Variants in TACC1 observed in about 807,000 individuals in gnomAD.
The protein encoded by TACC1 is transforming acidic coiled-coil containing protein 1, also known as transforming acidic coiled-coil-containing protein 1.
Under a neutral mutation model 84.4 loss-of-function variants are expected in TACC1, and 48 were observed. That is an observed-to-expected ratio of 0.57 (90% CI 0.45 to 0.72). TACC1 has a LOEUF of 0.72. Among genes scored for constraint, TACC1 ranks in the 30% least tolerant of loss-of-function variants. The pLI is 0.00. For synonymous variants in TACC1, 372 were observed against 376.3 expected (o/e 0.99, Z 0.13); for missense variants, 920 against 973.0 (o/e 0.95, Z 0.72).
At chr8:38,839,447 A>G (rs1219969951) in intron 8 of TACC1, 4 of 378,112 alleles carry the variant, frequency 1.1e-5, no homozygotes, top group Non-Finnish European at 1.9e-5. Context: ...CATTTTAAGT[A>G]TATCCCTCTA....
At chr8:38,829,268 C>T (rs1421179345) in intron 5 of TACC1, among the ~76,000 whole-genome samples, 1 of 152,146 alleles carries the variant, frequency 6.6e-6, no homozygotes, top group Non-Finnish European at 1.5e-5. Context: ...GCAATTTATT[C>T]CCCCTGGCCT....
rs1051618302 is a variant in TACC1 at position 38,787,424 on chromosome 8, T to G, written c.-159T>G. ...GCCGGCTGCCGGCGGGAGGAAGCGC[T>G]CCACCAGGGCCCCCGACGGCACTCG... On this transcript the variant is annotated 5_prime_UTR_variant, in exon 1 of 13. Coordinates refer to ENST00000317827, the MANE Select transcript of TACC1 (RefSeq NM_006283.3). 2 of 1,348,926 alleles carry G rather than the reference T, an allele frequency of 1.5e-6. No homozygotes were observed. Among genetic ancestry groups the G allele is most frequent in the African/African-American group, 1.5e-5 (1 of 64,860 alleles). The allele number at this position is 1,348,926 out of a possible 1,614,324, so 83.6% of individuals were successfully genotyped here.
chr8:38,827,565 G>A (rs1828378360), intron 5 of TACC1, 190 bp downstream of exon 5: 3 of 610,984 alleles, frequency 4.9e-6, no homozygotes, highest in East Asian at 2.8e-5. Flanking sequence ...TACTAGGAAC[G>A]TAGAGATACT....
chr8:38,820,546 C>T lies in TACC1; in HGVS notation c.1302C>T (p.Thr434=), dbSNP rs574457308. ...TGGATCCCTTTAAACCAACTACGACCTTAACAAGCAGTGACTTTTGTTCTC... is the reference window on the plus strand; with the variant it reads ...TGGATCCCTTTAAACCAACTACGACTTTAACAAGCAGTGACTTTTGTTCTC... The part of the protein sequence containing the change: ...ESMDPFKPTT[T]LTSSDFCSPT... The change falls in exon 3 of 13, where the codon ACC becomes ACT. Residue 434 remains threonine, a synonymous_variant. Coordinates refer to ENST00000317827, the MANE Select transcript of TACC1 (RefSeq NM_006283.3). 340 of 1,614,170 alleles carry T rather than the reference C, an allele frequency of 2.1e-4. 3 individuals are homozygous for T. In the South Asian group the frequency reaches 2.9e-3, roughly 14 times the overall value.
intron 11 of TACC1, chr8:38,845,054 A>T (rs924187191): frequency 6.6e-6 from 1 of 152,248 alleles, no homozygotes; most frequent in South Asian, 2.1e-4. Flanking sequence ...CCTTCCGAGC[A>T]GCTGGGATTA....
At chr8:38,803,806 C>G (rs931632422) in intron 2 of TACC1, among the ~76,000 whole-genome samples, 13 of 151,936 alleles carry the variant, frequency 8.6e-5, no homozygotes, top group Admixed American at 5.2e-4. Context: ...AGTGCTTCTT[C>G]CCTCGGTATT....
Position 38,848,004 on chromosome 8 carries a change from A to C in TACC1, c.2399A>C (p.Lys800Thr). The change falls in exon 13 of 13, where the codon AAG (lysine) becomes ACG (threonine). Residue 800 changes from lysine to threonine, a missense_variant. This residue lies in a region of TACC1 where 158 missense variants were observed against 225.6 expected (regional missense o/e 0.70). Coordinates refer to ENST00000317827, the MANE Select transcript of TACC1 (RefSeq NM_006283.3). ...AAAATCTGTGATGAGCTGATTGCAA[A>C]GCTGGGAAAGACTGACTGAGACACT... is the stretch of plus-strand genomic sequence containing the variant. ...LTKICDELIA[K>T]LGKTD 6.2e-7 allele frequency: 1 copy of C among 1,614,022 alleles called. No individual in the cohort carries two copies. Among genetic ancestry groups the C allele is most frequent in the South Asian group, 1.1e-5 (1 of 91,044 alleles).
At chr8:38,788,944 T>C (rs1052875981) in intron 2 of TACC1, 125 bp downstream of exon 2, 40 of 721,960 alleles carry the variant, frequency 5.5e-5, no homozygotes, top group Non-Finnish European at 8.6e-5. Flanking sequence ...AAGAGCTGTT[T>C]GAAACCTCCT....
chr8:38,822,865 C>A (rs111993934), intron 3 of TACC1, among the ~76,000 whole-genome samples: 3,614 of 152,288 alleles, frequency 0.024, 132 homozygotes, highest in African/African-American at 0.075. Flanking sequence ...TACGGGACCA[C>A]CATCGTATGC....
chr8:38,735,005 G>C (rs893048499), intron 1 of TACC1, among the ~76,000 whole-genome samples: 5 of 152,254 alleles, frequency 3.3e-5, no homozygotes, highest in African/African-American at 4.8e-5. Context: ...GGAGTGGCTG[G>C]ATTTCCAGCA....
At chr8:38,812,112 C>T (rs759849512) in intron 2 of TACC1, among the ~76,000 whole-genome samples, 13 of 152,092 alleles carry the variant, frequency 8.5e-5, no homozygotes, top group Admixed American at 2.0e-4. Context: ...TTGGTCAGAC[C>T]GGTTCTCTGC....
At chr8:38,798,810 A>G (rs1032835630) in intron 2 of TACC1, among the ~76,000 whole-genome samples, 3 of 152,110 alleles carry the variant, frequency 2.0e-5, no homozygotes, top group Non-Finnish European at 4.4e-5. Context: ...TATGCAGCCC[A>G]TACCCTTAGA....
At chr8:38,773,427 AT>A (rs1225632195) in intron 3 of TACC1, among the ~76,000 whole-genome samples, 6 of 148,316 alleles carry the variant, frequency 4.0e-5, no homozygotes, top group Non-Finnish European at 8.9e-5. Flanking sequence ...AAATATTAAT[AT>A]TTATATTAAA....
chr8:38,754,447 C>T lies in TACC1; in HGVS notation c.26+8954C>T, dbSNP rs140810933. 3.8e-3 allele frequency among the ~76,000 whole-genome samples: 581 copies of T among 152,346 alleles called. 2 individuals are homozygous for T. Among genetic ancestry groups the T allele is most frequent in the African/African-American group, 0.013 (561 of 41,588 alleles). ...TGGGAATAAAGACCTTTCTCACCAGCAGAGGCTGAGCGTTCCTCTGAAGGG... is the reference window on the plus strand; with the variant it reads ...TGGGAATAAAGACCTTTCTCACCAGTAGAGGCTGAGCGTTCCTCTGAAGGG... On this transcript the variant is annotated intron_variant, in intron 3 of 14. Transcript: ENST00000518415.
Position 38,820,190 on chromosome 8 carries a change from T to C in TACC1, c.946T>C (p.Ser316Pro). 1 of 1,613,920 alleles carries C rather than the reference T, an allele frequency of 6.2e-7. No individual in the cohort carries two copies. Among genetic ancestry groups the C allele is most frequent in the Non-Finnish European group, 8.5e-7 (1 of 1,179,976 alleles). Reference sequence around the variant, plus strand: ...TGAGCTGGGGGAGGAGTCGAGGAGCTCACCTCTCAAGCTTGAGTTTGATTT... The same window carrying C: ...TGAGCTGGGGGAGGAGTCGAGGAGCCCACCTCTCAAGCTTGAGTTTGATTT... ...GVELGEESRS[S>P]PLKLEFDFTE... Residue 316 changes from serine (S) to proline (P), a missense_variant, in exon 3 of 13, where the codon TCA becomes CCA. Coordinates refer to ENST00000317827, the MANE Select transcript of TACC1 (RefSeq NM_006283.3).
intron 3 of TACC1, among the ~76,000 whole-genome samples, chr8:38,774,359 T>A (rs1454371857): frequency 6.6e-6 from 1 of 152,186 alleles, no homozygotes; most frequent in Non-Finnish European, 1.5e-5. Flanking sequence ...TGGGTCTCTT[T>A]TGTTCAACAC....
chr8:38,792,582 C>A (rs924142556), intron 2 of TACC1, among the ~76,000 whole-genome samples: 4 of 152,326 alleles, frequency 2.6e-5, no homozygotes, highest in African/African-American at 7.2e-5. Flanking sequence ...TCTTCTGCCT[C>A]AGCCTCCCAA....
At chr8:38,821,921 A>G (rs1262963239) in intron 3 of TACC1, among the ~76,000 whole-genome samples, 1 of 152,098 alleles carries the variant, frequency 6.6e-6, no homozygotes, top group South Asian at 2.1e-4. Context: ...TGTACAGCAC[A>G]TTATTGTACT....
intron 2 of TACC1, among the ~76,000 whole-genome samples, chr8:38,817,517 A>G (rs950232234): frequency 6.6e-6 from 1 of 152,186 alleles, no homozygotes; most frequent in Non-Finnish European, 1.5e-5. Context: ...CCATATACCT[A>G]TTCCTGGACA....
Sources: allele counts gnomAD v4.1 joint callset (sites outside exome capture counted in the v4.1 genomes callset), GRCh38; gene constraint gnomAD v4.1.1; regional missense constraint gnomAD v4.1.1; transcripts MANE v1.5; gene names NCBI Gene and HGNC (gene_info 2026-07-23, HGNC 2026-07-21).